Variants in PGBD5 observed in about 807,000 individuals in gnomAD.
PGBD5 encodes the protein piggyBac transposable element-derived protein 5.
In PGBD5, 14 loss-of-function variants were observed where a neutral mutation model predicts 47.9. The observed-to-expected ratio is 0.29, with a 90% CI of 0.19 to 0.46. The LOEUF (loss-of-function observed/expected upper bound fraction) is 0.46, where lower values mean the gene tolerates loss of function less well. PGBD5 is among the 20% of genes least tolerant of loss of function. PGBD5 has a pLI of 1.00. For missense variants in PGBD5, 635 were observed against 716.0 expected (o/e 0.89, Z 1.29); for synonymous variants, 316 against 306.3 (o/e 1.03, Z -0.33).
intron 1 of PGBD5, among the ~76,000 whole-genome samples, chr1:230,368,858 T>G (rs1667884646): frequency 6.6e-6 from 1 of 152,206 alleles, no homozygotes; most frequent in African/African-American, 2.4e-5. Context: ...GGCCTCTTGA[T>G]CCCCAAGATC....
In PGBD5 at chr1:230,357,644, C is replaced by G. The variant is rs1000167258; in HGVS notation, c.332-323G>C. ...TGCAGCCTGCATCTCCACACCAGACCGGAGGACAGCCCTCGGGGGGCGCAG... is the reference window on the plus strand; with the variant it reads ...TGCAGCCTGCATCTCCACACCAGACGGGAGGACAGCCCTCGGGGGGCGCAG... On this transcript the variant is annotated intron_variant, in intron 1 of 6. Coordinates refer to ENST00000391860, the MANE Select transcript of PGBD5 (RefSeq NM_001258311.2). This position sits in a 1 kb window ranked among gnomAD's most constrained non-coding sequence, Gnocchi z 5.7. 2.0e-5 allele frequency among the ~76,000 whole-genome samples: 3 copies of G among 152,164 alleles called. No homozygotes were observed. Among genetic ancestry groups the G allele is most frequent in the Non-Finnish European group, 4.4e-5 (3 of 68,040 alleles).
At chr1:230,420,122 AC>A (rs1357185251) in intron 1 of PGBD5, among the ~76,000 whole-genome samples, 1 of 152,150 alleles carries the variant, frequency 6.6e-6, no homozygotes, top group African/African-American at 2.4e-5. Context: ...GCAAAACTCC[AC>A]CTCAAAAACA....
At chr1:230,364,970 A>G (rs1031619731) in intron 1 of PGBD5, among the ~76,000 whole-genome samples, 2 of 148,962 alleles carry the variant, frequency 1.3e-5, no homozygotes, top group Non-Finnish European at 3.0e-5. Flanking sequence ...CAGTGAGCTG[A>G]GATCATGCCA....
intron 1 of PGBD5, chr1:230,377,627 AC>A: frequency 6.6e-7 from 1 of 1,508,780 alleles, no homozygotes; most frequent in Non-Finnish European, 8.9e-7. Context: ...GGCATATCTG[AC>A]CTACCGAACA....
chr1:230,348,375 G>A (rs775740698), intron 3 of PGBD5, among the ~76,000 whole-genome samples: 11 of 152,192 alleles, frequency 7.2e-5, no homozygotes, highest in African/African-American at 1.4e-4. Context: ...GGGGATGGAC[G>A]AGGGAAGAGG....
intron 1 of PGBD5, among the ~76,000 whole-genome samples, chr1:230,393,685 C>G (rs1454539401): frequency 6.6e-6 from 1 of 151,990 alleles, no homozygotes; most frequent in Admixed American, 6.6e-5. Flanking sequence ...ATTAGCCGGG[C>G]GCAGTGGCGG....
In PGBD5 at chr1:230,378,899, C is replaced by T. The variant is rs534802833; in HGVS notation, c.332-21578G>A. ...TGATGAGTCAACCCAAAGAAAGCAG[C>T]CATTGCCTGAGGTCCCAAGGTGATG... On this transcript the variant is annotated intron_variant, in intron 1 of 6. Coordinates refer to ENST00000391860, the MANE Select transcript of PGBD5 (RefSeq NM_001258311.2). Among the ~76,000 whole-genome samples, 286 of 152,224 alleles carry T rather than the reference C, an allele frequency of 1.9e-3. 1 individual carries two copies. The highest frequency in any genetic ancestry group is 3.4e-3 in the Non-Finnish European group (234 of 68,000).
At chr1:230,345,442 G>A (rs994282735) in intron 3 of PGBD5, among the ~76,000 whole-genome samples, 2 of 152,234 alleles carry the variant, frequency 1.3e-5, no homozygotes, top group African/African-American at 2.4e-5. Flanking sequence ...GCCTGCAGAT[G>A]AGGGGAGAGG....
chr1:230,315,987 T>C lies in PGBD5; in HGVS notation c.*7438A>G, dbSNP rs868833573. The C allele has an allele frequency of 4.6e-4, 65 of 141,936 alleles. 2 individuals carry two copies. The highest frequency in any genetic ancestry group is 1.5e-3 in the African/African-American group (57 of 38,272). The allele number at this position is 141,936 out of a possible 1,614,324, so 8.8% of individuals were successfully genotyped here. ...ATGTGTACACATATATGTATGTGTA[T>C]ACATACATAAGTATATGTGTACACA... On this transcript the variant is annotated 3_prime_UTR_variant, in exon 7 of 7. Coordinates refer to ENST00000391860, the MANE Select transcript of PGBD5 (RefSeq NM_001258311.2).
At chr1:230,410,793 GAAGA>G (rs1657391893) in intron 1 of PGBD5, among the ~76,000 whole-genome samples, 1 of 151,978 alleles carries the variant, frequency 6.6e-6, no homozygotes, top group Non-Finnish European at 1.5e-5. Flanking sequence ...ACTTCAAAAG[GAAGA>G]TTTTACAAAA....
intron 1 of PGBD5, among the ~76,000 whole-genome samples, chr1:230,362,098 C>G (rs828478): frequency 0.7 from 107,094 of 152,148 alleles, 38,115 homozygotes; most frequent in Non-Finnish European, 0.74. Context: ...ACAGGGCTCA[C>G]ACTTGCCCAA....
At chr1:230,385,129 AAATTTCAGTCTCGCGCACGTGTT>A (rs1471032481) in intron 1 of PGBD5, among the ~76,000 whole-genome samples, 4 of 152,112 alleles carry the variant, frequency 2.6e-5, no homozygotes, top group Admixed American at 2.6e-4. Flanking sequence ...GTTGGGGCTG[AAATTTCAGTCTCGCGCACGTGTT>A]ATTTTAGGAT....
At position 230,332,854 on chromosome 1, in the gene PGBD5, CG is replaced by C; in HGVS notation, c.1262del (p.Pro421ArgfsTer28). On this transcript the variant is annotated frameshift_variant, in exon 5 of 7. Coordinates refer to ENST00000391860, the MANE Select transcript of PGBD5 (RefSeq NM_001258311.2). LOFTEE classifies it high-confidence loss of function. ...HFRFLTNAYS[P>X]VQQGVIIKRK... ...CGGACCCGCACTCACCCTGCTGCAC[CG>C]GGGAGTAGGCGTTGGTCAGGAAGCG... 6.2e-7 allele frequency: 1 copy of C among 1,614,166 alleles called. No individual in the cohort carries two copies. Among genetic ancestry groups the C allele is most frequent in the African/African-American group, 1.3e-5 (1 of 75,036 alleles).
chr1:230,399,975 C>G (rs1447370285), intron 1 of PGBD5, among the ~76,000 whole-genome samples: 2 of 152,234 alleles, frequency 1.3e-5, no homozygotes, highest in East Asian at 3.8e-4. Context: ...ACCTGGCACT[C>G]ACAGCATCTC....
chr1:230,377,524 T>A lies in PGBD5; in HGVS notation c.332-20203A>T, dbSNP rs781724868. 5.0e-6 allele frequency: 8 copies of A among 1,612,884 alleles called. No individual in the cohort carries two copies. In the Admixed American group the frequency reaches 6.7e-5, roughly 13 times the overall value. ...TGTGAATGAATCGCTTGGCTGCAGA[T>A]CCCGGCCGGGCACTATGCTGAGCAA... On this transcript the variant is annotated intron_variant, in intron 1 of 6. Transcript: ENST00000391860.
chr1:230,422,443 G>A (rs1178243915), intron 1 of PGBD5, among the ~76,000 whole-genome samples: 3 of 152,056 alleles, frequency 2.0e-5, no homozygotes, highest in Non-Finnish European at 2.9e-5. Context: ...GGGCTATTTT[G>A]GGGGGATATA....
chr1:230,321,313 T>C lies in PGBD5; in HGVS notation c.*2112A>G, dbSNP rs1280102450. On this transcript the variant is annotated 3_prime_UTR_variant, in exon 7 of 7. Coordinates refer to ENST00000391860, the MANE Select transcript of PGBD5 (RefSeq NM_001258311.2). ...ATTATATAACAAAAAAAATCAAGTA[T>C]TTAAAAGAGTAGCCTGTATTTTTGT... The C allele has an allele frequency of 6.6e-6, 1 of 152,234 alleles. No individual in the cohort carries two copies. Among genetic ancestry groups the C allele is most frequent in the African/African-American group, 2.4e-5 (1 of 41,468 alleles). 9.4% of individuals were successfully genotyped at this position (152,234 alleles called of 1,614,324 possible). A position where few individuals can be genotyped will look rare whatever the true frequency, so the allele number is the denominator to read the frequency against.
chr1:230,423,981 T>A (rs1657716300), intron 1 of PGBD5, among the ~76,000 whole-genome samples: 1 of 152,130 alleles, frequency 6.6e-6, no homozygotes, highest in Admixed American at 6.6e-5. Context: ...TAAGATGGAT[T>A]TAAAATTTAT....
intron 3 of PGBD5, 36 bp from the exon 4 acceptor site, chr1:230,337,324 A>C: frequency 6.4e-7 from 1 of 1,551,444 alleles, no homozygotes; most frequent in Non-Finnish European, 8.7e-7. Flanking sequence ...GCGTGCTCAC[A>C]GCAGTGTCAG....
Sources: gnomAD v4.1 joint callset for allele counts (sites outside exome capture counted in the v4.1 genomes callset) on GRCh38, gnomAD v4.1.1 for gene constraint, Gnocchi (gnomAD v3.1) non-coding constraint, MANE v1.5 for transcripts, NCBI Gene and HGNC (gene_info 2026-07-23, HGNC 2026-07-21) for gene names.